The following PDZRN3 variants were observed in gnomAD, a reference collection of about 807,000 sequenced individuals.
The protein encoded by PDZRN3 is E3 ubiquitin-protein ligase PDZRN3.
PDZRN3 carries 38 observed loss-of-function variants against 85.7 expected under a neutral mutation model. The observed-to-expected ratio is 0.44, with a 90% CI of 0.34 to 0.58. The LOEUF is 0.58. Ranked by LOEUF, PDZRN3 falls within the 20% of genes least tolerant of loss-of-function variation. The pLI is 0.01. For synonymous variants in PDZRN3, 759 were observed against 638.0 expected (o/e 1.19, Z -2.86); for missense variants, 1,629 against 1,506.4 (o/e 1.08, Z -1.35).
intron 3 of PDZRN3, among the ~76,000 whole-genome samples, chr3:73,506,791 A>G (rs1704076250): frequency 6.6e-6 from 1 of 152,142 alleles, no homozygotes; most frequent in Non-Finnish European, 1.5e-5. Flanking sequence ...CTGTAACCCC[A>G]GTACTTAGGG....
intron 3 of PDZRN3, among the ~76,000 whole-genome samples, chr3:73,475,830 G>A (rs1004747462): frequency 6.6e-6 from 1 of 152,174 alleles, no homozygotes; most frequent in African/African-American, 2.4e-5. Flanking sequence ...AATGGCAAAG[G>A]AGCAAATGCA....
At chr3:73,571,261 T>G (rs575398125) in intron 3 of PDZRN3, among the ~76,000 whole-genome samples, 1 of 152,336 alleles carries the variant, frequency 6.6e-6, no homozygotes, top group South Asian at 2.1e-4. Flanking sequence ...TATCCCTTTT[T>G]TCTCCATATC....
intron 1 of PDZRN3, chr3:73,621,914 G>A (rs1337224634): frequency 1.3e-5 from 2 of 152,086 alleles, no homozygotes; most frequent in African/African-American, 4.8e-5. Flanking sequence ...TGACTCTGAG[G>A]GAGATTTTAC....
At chr3:73,389,905 G>T in intron 6 of PDZRN3, 27 bp from the exon 7 acceptor site, 1 of 1,571,198 alleles carries the variant, frequency 6.4e-7, no homozygotes, top group Non-Finnish European at 8.8e-7. Context: ...CCATCTCAGC[G>T]CAAACGCAGA....
At chr3:73,495,856 A>G (rs1703856403) in intron 3 of PDZRN3, among the ~76,000 whole-genome samples, 2 of 152,206 alleles carry the variant, frequency 1.3e-5, no homozygotes, top group Non-Finnish European at 2.9e-5. Flanking sequence ...CTTGCTTTTC[A>G]AGAACTGCTA....
At chr3:73,417,145 G>A (rs940880616) in intron 3 of PDZRN3, among the ~76,000 whole-genome samples, 1 of 152,062 alleles carries the variant, frequency 6.6e-6, no homozygotes, top group African/African-American at 2.4e-5. Context: ...TTACAGGCAT[G>A]AGCCACCACA....
rs1420326454 is a variant in PDZRN3 at position 73,383,678 on chromosome 3, G to GCGT, written c.2885_2887dup (p.Asp962dup). 6.2e-7 allele frequency: 1 copy of GCGT among 1,612,104 alleles called. No individual in the cohort carries two copies. The highest frequency in any genetic ancestry group is 8.5e-7 in the Non-Finnish European group (1 of 1,180,022). On this transcript the variant is annotated inframe_insertion, in exon 10 of 10. Coordinates refer to ENST00000263666, the MANE Select transcript of PDZRN3 (RefSeq NM_015009.3). ...GCGCCCCATCTTCATCTCGCTCACC[G>GCGT]CGTCGTCGTCGGTGGTCATGCCGCT...
intron 3 of PDZRN3, among the ~76,000 whole-genome samples, chr3:73,586,126 A>G (rs1267787392): frequency 6.6e-6 from 1 of 152,208 alleles, no homozygotes; most frequent in Non-Finnish European, 1.5e-5. Context: ...TTATATTTAT[A>G]TTTTTTAAAA....
At chr3:73,524,798 C>T (rs1042641711) in intron 3 of PDZRN3, among the ~76,000 whole-genome samples, 2 of 151,836 alleles carry the variant, frequency 1.3e-5, no homozygotes, top group Non-Finnish European at 2.9e-5. Context: ...GAACATAATC[C>T]TAGTTTAAAT....
chr3:73,594,756 C>T (rs536633988), intron 3 of PDZRN3, among the ~76,000 whole-genome samples: 1 of 152,112 alleles, frequency 6.6e-6, no homozygotes, highest in South Asian at 2.1e-4. Flanking sequence ...TAAGGTAAAG[C>T]AAAAGTGATA....
chr3:73,426,027 T>C (rs546372272), intron 3 of PDZRN3, among the ~76,000 whole-genome samples: 5 of 152,172 alleles, frequency 3.3e-5, no homozygotes, highest in Non-Finnish European at 7.4e-5. Context: ...ATTCACATTA[T>C]TGGAAATTAA....
chr3:73,434,264 G>C (rs1034294515), intron 3 of PDZRN3, among the ~76,000 whole-genome samples: 107 of 152,226 alleles, frequency 7.0e-4, no homozygotes, highest in Admixed American at 1.8e-3. Flanking sequence ...GTTTCGGCTA[G>C]GTAGAAATTC....
At position 73,383,838 on chromosome 3, in the gene PDZRN3, T is replaced by C. The variant is rs1205822653; in HGVS notation, c.2728A>G (p.Ser910Gly). The C allele has an allele frequency of 6.2e-7, 1 of 1,613,688 alleles. No homozygotes were observed. The highest frequency in any genetic ancestry group is 8.5e-7 in the Non-Finnish European group (1 of 1,180,012). Reference sequence around the variant, plus strand: ...CGCGGCTCCGACGGGGTGGGAGAGCTCAGGTCCTTGCACATGCTCACCAGG... The same window carrying C: ...CGCGGCTCCGACGGGGTGGGAGAGCCCAGGTCCTTGCACATGCTCACCAGG... ...MSLVSMCKDL[S>G]SPTPSEPRME... Residue 910 changes from serine (S) to glycine (G), a missense_variant, in exon 10 of 10, where the codon AGC (serine) becomes GGC (glycine). Ser to Gly is a moderately conservative substitution (Grantham distance 56). Transcript: ENST00000263666.
intron 3 of PDZRN3, among the ~76,000 whole-genome samples, chr3:73,505,929 A>G (rs1267482052): frequency 6.6e-6 from 1 of 152,136 alleles, no homozygotes; most frequent in Non-Finnish European, 1.5e-5. Flanking sequence ...CATCTTTTGG[A>G]TGGTCAAGTG....
At position 73,384,440 on chromosome 3, in the gene PDZRN3, T is replaced by G. The variant is rs780928785; in HGVS notation, c.2126A>C (p.Gln709Pro). 6.2e-7 allele frequency: 1 copy of G among 1,612,024 alleles called. No homozygotes were observed. ...CTCGCGGTACTGCTCCTTGAGCTGC[T>G]GCATCTTGTGGGCGCGCACGATGCT... Reference protein sequence around the residue: ...CLSIVRAHKMQQLKEQYRESW... With the variant: ...CLSIVRAHKMPQLKEQYRESW... The change falls in exon 10 of 10, where the codon CAG becomes CCG. Residue 709 changes from glutamine (Q) to proline (P), a missense_variant. Physicochemically the swap from Gln to Pro is moderately conservative, Grantham distance 76. Transcript: ENST00000263666.
At chr3:73,614,588 G>T (rs575063930) in intron 1 of PDZRN3, among the ~76,000 whole-genome samples, 1 of 152,142 alleles carries the variant, frequency 6.6e-6, no homozygotes, top group Non-Finnish European at 1.5e-5. Flanking sequence ...GTAACACCTC[G>T]CAGCCTCAGA....
chr3:73,563,296 A>G (rs1184564858), intron 3 of PDZRN3, among the ~76,000 whole-genome samples: 1 of 151,422 alleles, frequency 6.6e-6, no homozygotes, highest in African/African-American at 2.4e-5. Context: ...CGGCCCCCCA[A>G]AGTGCTGGGA....
intron 3 of PDZRN3, among the ~76,000 whole-genome samples, chr3:73,484,324 C>A (rs1703623561): frequency 6.6e-6 from 1 of 152,150 alleles, no homozygotes; most frequent in South Asian, 2.1e-4. Context: ...GGTTCTGGAG[C>A]AGACGCATGG....
In PDZRN3 at chr3:73,384,172, C is replaced by A. The variant is rs373980614; in HGVS notation, c.2394G>T (p.Thr798=). The A allele has an allele frequency of 1.2e-6, 2 of 1,614,092 alleles. No individual in the cohort carries two copies. Among genetic ancestry groups the A allele is most frequent in the Non-Finnish European group, 1.7e-6 (2 of 1,180,034 alleles). Residue 798 remains threonine, a synonymous_variant, in exon 10 of 10, where the codon ACG becomes ACT. Transcript: ENST00000263666. ...CPSSEGAVGT[T]EAYGPASKNL... ...TCTTGGAGGCTGGCCCGTAGGCTTC[C>A]GTGGTCCCCACAGCCCCTTCGCTGC... is the stretch of plus-strand genomic sequence containing the variant.
Sources: allele counts gnomAD v4.1 joint callset (sites outside exome capture counted in the v4.1 genomes callset), GRCh38; gene constraint gnomAD v4.1.1; transcripts MANE v1.5; gene names NCBI Gene and HGNC (gene_info 2026-07-23, HGNC 2026-07-21).